SLC35F3: variants seen among roughly 807,000 people sequenced by gnomAD.
SLC35F3 encodes the protein putative thiamine transporter SLC35F3.
In SLC35F3, 25 loss-of-function variants were observed where a neutral mutation model predicts 49.9. That is an observed-to-expected ratio of 0.50 (90% CI 0.37 to 0.70). The LOEUF (loss-of-function observed/expected upper bound fraction) is 0.70. SLC35F3 is among the 30% of genes least tolerant of loss of function. The pLI, the probability that SLC35F3 is intolerant of heterozygous loss-of-function variation, is 0.00. For synonymous variants in SLC35F3, 275 were observed against 265.4 expected (o/e 1.04, Z -0.35); for missense variants, 525 against 639.8 (o/e 0.82, Z 1.94).
At chr1:233,923,248 A>G (rs1366633509) in intron 2 of SLC35F3, among the ~76,000 whole-genome samples, 4 of 152,202 alleles carry the variant, frequency 2.6e-5, no homozygotes, top group African/African-American at 7.2e-5. Flanking sequence ...CAGTATGGCC[A>G]TTTTCATGAT....
At chr1:234,261,144 G>A (rs1472098523) in intron 3 of SLC35F3, among the ~76,000 whole-genome samples, 1 of 152,094 alleles carries the variant, frequency 6.6e-6, no homozygotes, top group Non-Finnish European at 1.5e-5. Context: ...TACCAGAAAG[G>A]AGTCCTGATC....
At chr1:234,137,383 T>A (rs908006132) in intron 2 of SLC35F3, among the ~76,000 whole-genome samples, 1 of 152,124 alleles carries the variant, frequency 6.6e-6, no homozygotes, top group African/African-American at 2.4e-5. Flanking sequence ...TTGTGAGGCA[T>A]GAGAGATAAG....
At chr1:233,989,185 T>C (rs1558198258) in intron 2 of SLC35F3, among the ~76,000 whole-genome samples, 1 of 152,232 alleles carries the variant, frequency 6.6e-6, no homozygotes, top group Non-Finnish European at 1.5e-5. Context: ...GCACGCATTC[T>C]CTTTCAGAAT....
chr1:234,039,218 AAACC>A (rs1444005129), intron 2 of SLC35F3, among the ~76,000 whole-genome samples: 1 of 152,170 alleles, frequency 6.6e-6, no homozygotes, highest in Non-Finnish European at 1.5e-5. Context: ...ATGCACAGCA[AAACC>A]CACAAGGGGG....
intron 2 of SLC35F3, among the ~76,000 whole-genome samples, chr1:233,941,241 A>G (rs372728185): frequency 6.6e-6 from 1 of 152,166 alleles, no homozygotes; most frequent in South Asian, 2.1e-4. Context: ...GTTACTTTTC[A>G]TAGCACATTA....
intron 2 of SLC35F3, among the ~76,000 whole-genome samples, chr1:234,132,755 A>G (rs1349185138): frequency 6.6e-6 from 1 of 152,130 alleles, no homozygotes; most frequent in Non-Finnish European, 1.5e-5. Context: ...TGCTGCAAAA[A>G]TGTTTATTTT....
At chr1:233,952,645 C>G (rs1226958644) in intron 2 of SLC35F3, among the ~76,000 whole-genome samples, 1 of 152,130 alleles carries the variant, frequency 6.6e-6, no homozygotes, top group African/African-American at 2.4e-5. Flanking sequence ...CACACCACAC[C>G]CCTGCTGTGG....
chr1:234,052,604 ATTTTTTTGAAGG>A (rs1375433097), intron 2 of SLC35F3, among the ~76,000 whole-genome samples: 1 of 151,740 alleles, frequency 6.6e-6, no homozygotes, highest in Non-Finnish European at 1.5e-5. Context: ...GGATTCATTG[ATTTTTTTGAAGG>A]TTTTTTTGTG....
In SLC35F3 at chr1:234,323,342, C is replaced by T. The variant is rs1657678551; in HGVS notation, c.*99C>T. The T allele has an allele frequency of 9.8e-7, 1 of 1,018,654 alleles. No individual in the cohort carries two copies. The highest frequency in any genetic ancestry group is 1.6e-5 in the African/African-American group (1 of 61,792). The allele number at this position is 1,018,654 out of a possible 1,614,324, so 63.1% of individuals were successfully genotyped here. Reference sequence around the variant, plus strand: ...GTGTACATACCTGTACAGTTTTGGTCATCTGCGGTAAGTTCTATGGTATTT... The same window carrying T: ...GTGTACATACCTGTACAGTTTTGGTTATCTGCGGTAAGTTCTATGGTATTT... On this transcript the variant is annotated 3_prime_UTR_variant, in exon 8 of 8. Transcript: ENST00000366618. This position sits in a 1 kb window ranked among gnomAD's most constrained non-coding sequence, Gnocchi z 4.5.
chr1:234,149,172 C>T (rs1666036891), intron 2 of SLC35F3, among the ~76,000 whole-genome samples: 1 of 152,162 alleles, frequency 6.6e-6, no homozygotes, highest in African/African-American at 2.4e-5. Context: ...CAAGTCCTGA[C>T]ACAGGGTTCC....
At chr1:233,984,262 A>G (rs1663231604) in intron 2 of SLC35F3, among the ~76,000 whole-genome samples, 1 of 152,236 alleles carries the variant, frequency 6.6e-6, no homozygotes, top group South Asian at 2.1e-4. Flanking sequence ...AAGAAAAGCA[A>G]CAAGTATTTT....
chr1:234,091,039 CTTTG>C (rs1234497067), intron 2 of SLC35F3, among the ~76,000 whole-genome samples: 4 of 152,160 alleles, frequency 2.6e-5, no homozygotes, highest in Admixed American at 6.5e-5. Context: ...TTCACTTTAG[CTTTG>C]TTTGTTTTGC....
intron 2 of SLC35F3, among the ~76,000 whole-genome samples, chr1:233,952,647 C>A (rs146112687): frequency 7.9e-5 from 12 of 152,326 alleles, no homozygotes; most frequent in African/African-American, 2.9e-4. Flanking sequence ...CACCACACCC[C>A]TGCTGTGGTG....
chr1:233,911,329 G>A (rs1661870005), intron 2 of SLC35F3, among the ~76,000 whole-genome samples: 1 of 152,190 alleles, frequency 6.6e-6, no homozygotes, highest in Non-Finnish European at 1.5e-5. Flanking sequence ...TGTAAGAGAT[G>A]TATAATTTGG....
At chr1:234,037,134 A>G (rs56804265) in intron 2 of SLC35F3, among the ~76,000 whole-genome samples, 11,685 of 152,210 alleles carry the variant, frequency 0.077, 1,202 homozygotes, top group African/African-American at 0.24. Context: ...TTGGTTCACA[A>G]TTCTGTAGGC....
chr1:234,290,408 T>C (rs1429196226), intron 3 of SLC35F3, among the ~76,000 whole-genome samples: 6 of 152,130 alleles, frequency 3.9e-5, no homozygotes, highest in African/African-American at 9.7e-5. Context: ...GACTGAGACA[T>C]ATTGTAAGTC....
At chr1:234,174,740 A>C (rs1666450589) in intron 2 of SLC35F3, among the ~76,000 whole-genome samples, 1 of 152,268 alleles carries the variant, frequency 6.6e-6, no homozygotes, top group African/African-American at 2.4e-5. Flanking sequence ...GGAGGCTGGA[A>C]GGTCCTCTTT....
intron 3 of SLC35F3, among the ~76,000 whole-genome samples, chr1:234,278,210 G>T (rs1668243840): frequency 6.6e-6 from 1 of 152,000 alleles, no homozygotes; most frequent in Admixed American, 6.6e-5. Flanking sequence ...AAATAAAAGG[G>T]CCGGGTGCGG....
At chr1:234,213,642 G>C (rs1453581498) in intron 2 of SLC35F3, 1 of 152,330 alleles carries the variant, frequency 6.6e-6, no homozygotes, top group Non-Finnish European at 1.5e-5. Flanking sequence ...GCCTGCAGAG[G>C]CAAATGTCAG....
Sources: allele counts gnomAD v4.1 joint callset (sites outside exome capture counted in the v4.1 genomes callset), GRCh38; gene constraint gnomAD v4.1.1; non-coding constraint Gnocchi (gnomAD v3.1); transcripts MANE v1.5; gene names NCBI Gene and HGNC (gene_info 2026-07-23, HGNC 2026-07-21).